The following RBFOX1 variants were observed in gnomAD, a reference collection of about 807,000 sequenced individuals.
RBFOX1 encodes RNA binding fox-1 homolog 1, also known as RNA binding protein fox-1 homolog 1.
In RBFOX1, 8 loss-of-function variants were observed where a neutral mutation model predicts 57.7. That is an observed-to-expected ratio of 0.14 (90% CI 0.08 to 0.25). The LOEUF is 0.25. Ranked by LOEUF, RBFOX1 falls within the 10% of genes least tolerant of loss-of-function variation. The pLI is 1.00. For synonymous variants in RBFOX1, 326 were observed against 222.4 expected (o/e 1.47, Z -4.15); for missense variants, 611 against 548.5 (o/e 1.11, Z -1.14).
chr16:6,565,371 C>T (rs891205395), intron 2 of RBFOX1, among the ~76,000 whole-genome samples: 1 of 152,112 alleles, frequency 6.6e-6, no homozygotes, highest in Admixed American at 6.5e-5. Flanking sequence ...GATTCTCCTG[C>T]CTCAGCCTCC....
At chr16:6,953,426 G>A (rs80020784) in intron 3 of RBFOX1, among the ~76,000 whole-genome samples, 2,588 of 151,612 alleles carry the variant, frequency 0.017, 76 homozygotes, top group African/African-American at 0.059. Flanking sequence ...TTGCTTTGTC[G>A]CCAATGCTGG....
intron 1 of RBFOX1, among the ~76,000 whole-genome samples, chr16:5,256,022 T>C (rs9302800): frequency 0.81 from 122,519 of 151,732 alleles, 49,928 homozygotes; most frequent in East Asian, 1. Context: ...TAGGTTTTAC[T>C]ATTCATTATT....
At chr16:6,411,534 A>C (rs922994223) in intron 2 of RBFOX1, among the ~76,000 whole-genome samples, 1 of 152,200 alleles carries the variant, frequency 6.6e-6, no homozygotes, top group Non-Finnish European at 1.5e-5. Context: ...CCTATTAGCT[A>C]CATGCAGACT....
intron 3 of RBFOX1, among the ~76,000 whole-genome samples, chr16:5,829,120 A>C (rs2056176838): frequency 6.6e-6 from 1 of 151,958 alleles, no homozygotes; most frequent in Non-Finnish European, 1.5e-5. Context: ...TCAGGAGGAG[A>C]CCACTCAAAG....
intron 4 of RBFOX1, among the ~76,000 whole-genome samples, chr16:7,209,752 G>C (rs2090745835): frequency 6.6e-6 from 1 of 152,190 alleles, no homozygotes; most frequent in African/African-American, 2.4e-5. Flanking sequence ...AGTCTTGTCT[G>C]AGTCATCATT....
intron 4 of RBFOX1, among the ~76,000 whole-genome samples, chr16:5,906,885 C>G (rs2058472016): frequency 6.6e-6 from 1 of 151,872 alleles, no homozygotes; most frequent in African/African-American, 2.4e-5. Flanking sequence ...CAGGTGCCCA[C>G]CACCATGCCT....
At chr16:6,400,768 G>C (rs1002884822) in intron 2 of RBFOX1, among the ~76,000 whole-genome samples, 1 of 152,070 alleles carries the variant, frequency 6.6e-6, no homozygotes, top group Non-Finnish European at 1.5e-5. Context: ...CTTGGTGGGC[G>C]CTTGTAGTCC....
At chr16:5,461,728 G>A (rs1007092359) in intron 1 of RBFOX1, among the ~76,000 whole-genome samples, 2 of 152,104 alleles carry the variant, frequency 1.3e-5, no homozygotes, top group Non-Finnish European at 2.9e-5. Context: ...GTGTAGTGAG[G>A]AGGAGATAGC....
chr16:7,518,979 C>T (rs1008887564), intron 5 of RBFOX1, among the ~76,000 whole-genome samples: 1 of 152,186 alleles, frequency 6.6e-6, no homozygotes, highest in Non-Finnish European at 1.5e-5. Context: ...GCTAAGATTG[C>T]TCCACTGAAC....
chr16:7,684,991 A>G (rs1015645900), intron 14 of RBFOX1, among the ~76,000 whole-genome samples: 2 of 152,070 alleles, frequency 1.3e-5, no homozygotes, highest in Non-Finnish European at 2.9e-5. Flanking sequence ...ATTTGAGTGG[A>G]TCATCTAAAA....
chr16:7,592,707 C>G (rs1041892934), intron 7 of RBFOX1, among the ~76,000 whole-genome samples: 2 of 152,172 alleles, frequency 1.3e-5, no homozygotes, highest in African/African-American at 4.8e-5. Context: ...GCCAAGAAGC[C>G]TGGGACATGT....
At chr16:6,892,770 G>GTCTGTCTCTC (rs2065781044) in intron 3 of RBFOX1, among the ~76,000 whole-genome samples, 5 of 91,850 alleles carry the variant, frequency 5.4e-5, no homozygotes, top group African/African-American at 2.4e-4. Context: ...AAGCCTCCCT[G>GTCTGTCTCTC]TCTCCCTCTC....
At chr16:6,635,007 C>T (rs1283777985) in intron 2 of RBFOX1, among the ~76,000 whole-genome samples, 1 of 140,864 alleles carries the variant, frequency 7.1e-6, no homozygotes, top group Non-Finnish European at 1.5e-5. Flanking sequence ...TAATATAATA[C>T]TTTATTATGT....
chr16:6,446,740 A>G (rs1490896928), intron 2 of RBFOX1, among the ~76,000 whole-genome samples: 1 of 152,182 alleles, frequency 6.6e-6, no homozygotes, highest in Non-Finnish European at 1.5e-5. Context: ...TATAAATGTT[A>G]TTCTAAATCA....
intron 3 of RBFOX1, among the ~76,000 whole-genome samples, chr16:6,859,715 G>T (rs1035360741): frequency 3.8e-4 from 58 of 152,274 alleles, no homozygotes; most frequent in African/African-American, 1.4e-3. Flanking sequence ...TCAGCAAAAT[G>T]AGAAATGTCT....
At chr16:6,721,304 A>G (rs1335771217) in intron 3 of RBFOX1, among the ~76,000 whole-genome samples, 1 of 152,100 alleles carries the variant, frequency 6.6e-6, no homozygotes, top group Non-Finnish European at 1.5e-5. Flanking sequence ...TTAGCTGGGC[A>G]TGGTGGCGGG....
intron 1 of RBFOX1, among the ~76,000 whole-genome samples, chr16:5,438,364 T>C (rs966225988): frequency 6.6e-6 from 1 of 152,312 alleles, no homozygotes; most frequent in East Asian, 1.9e-4. Context: ...ATTCAGGTAT[T>C]TGTTGAGCAT....
At chr16:6,350,443 A>G (rs1567992672) in intron 2 of RBFOX1, among the ~76,000 whole-genome samples, 58 of 87,470 alleles carry the variant, frequency 6.6e-4, no homozygotes, top group African/African-American at 2.2e-3. Flanking sequence ...CTCTGTCTCA[A>G]GAAAAAAAAA....
intron 3 of RBFOX1, among the ~76,000 whole-genome samples, chr16:5,748,755 T>C (rs1398695474): frequency 6.6e-6 from 1 of 152,208 alleles, no homozygotes; most frequent in Non-Finnish European, 1.5e-5. Context: ...ATTTTGAGCC[T>C]ATGTGTGTCT....
Sources: allele counts gnomAD v4.1 joint callset (sites outside exome capture counted in the v4.1 genomes callset), GRCh38; gene constraint gnomAD v4.1.1; transcripts MANE v1.5; gene names NCBI Gene and HGNC (gene_info 2026-07-23, HGNC 2026-07-21).